GRM4: variants seen among roughly 807,000 people sequenced by gnomAD.
GRM4 encodes the protein metabotropic glutamate receptor 4.
A neutral mutation model predicts 81.7 loss-of-function variants in GRM4; 28 were observed. The ratio of observed to expected loss-of-function variants is 0.34; its 90% CI spans 0.25 to 0.47. The LOEUF is 0.47. GRM4 is among the 20% of genes least tolerant of loss of function. The probability of loss-of-function intolerance (pLI) is 1.00; values close to 1 mark genes in which losing one functional copy is unlikely to be tolerated. For synonymous variants in GRM4, 488 were observed against 528.8 expected, an observed-to-expected ratio of 0.92 and a Z score of 1.06; for missense variants, 948 against 1,290.0, an observed-to-expected ratio of 0.73 and a Z score of 4.06.
chr6:34,046,694 C>G (rs186477139), intron 6 of GRM4, among the ~76,000 whole-genome samples: 1 of 152,174 alleles, frequency 6.6e-6, no homozygotes, highest in African/African-American at 2.4e-5. Flanking sequence ...CTGAGGGGTA[C>G]GGCTGGGGCA....
chr6:34,107,591 C>T (rs544401898), intron 2 of GRM4, among the ~76,000 whole-genome samples: 4 of 152,238 alleles, frequency 2.6e-5, no homozygotes, highest in African/African-American at 9.6e-5. Context: ...GGCAGCATTA[C>T]GCTGACACCT....
chr6:34,029,184 G>A (rs568548575), intron 9 of GRM4, among the ~76,000 whole-genome samples: 1 of 152,250 alleles, frequency 6.6e-6, no homozygotes, highest in Admixed American at 6.5e-5. Flanking sequence ...GCCAAGGTGG[G>A]ACCAAAGGAG....
At chr6:34,051,698 C>T (rs1562026725) in intron 6 of GRM4, among the ~76,000 whole-genome samples, 1 of 152,154 alleles carries the variant, frequency 6.6e-6, no homozygotes, top group Non-Finnish European at 1.5e-5. Context: ...TGCAGAGATG[C>T]CCCTCTTGGT....
rs116306537 is a variant in GRM4 at position 34,074,661 on chromosome 6, C to T, written c.737-12633G>A. Among the ~76,000 whole-genome samples, 1,724 of 151,822 alleles carry T rather than the reference C, an allele frequency of 0.011. 21 individuals carry two copies. The highest frequency in any genetic ancestry group is 0.051 in the Middle Eastern group (15 of 292). On this transcript the variant is annotated intron_variant, in intron 3 of 10. Transcript: ENST00000538487. This position sits in a 1 kb window ranked among gnomAD's most constrained non-coding sequence, Gnocchi z 4.9. Reference sequence around the variant, plus strand: ...TGGCTCACAGCTGCATTATTCATGGCGCTAGGCTCTGAGCAGAGGGAAATT... The same window carrying T: ...TGGCTCACAGCTGCATTATTCATGGTGCTAGGCTCTGAGCAGAGGGAAATT...
intron 1 of GRM4, among the ~76,000 whole-genome samples, chr6:34,141,217 C>A (rs182619055): frequency 6.6e-6 from 1 of 152,170 alleles, no homozygotes; most frequent in African/African-American, 2.4e-5. Context: ...TCCTGGTTCC[C>A]ATGCTGGTGG....
At chr6:34,075,814 T>C (rs1163760842) in intron 3 of GRM4, among the ~76,000 whole-genome samples, 2 of 152,244 alleles carry the variant, frequency 1.3e-5, no homozygotes, top group African/African-American at 2.4e-5. Context: ...CATCAGCCCA[T>C]GAGCCGCTTC....
At chr6:34,050,883 G>A (rs1387936614) in intron 6 of GRM4, among the ~76,000 whole-genome samples, 1 of 152,216 alleles carries the variant, frequency 6.6e-6, no homozygotes, top group Non-Finnish European at 1.5e-5. Context: ...CCCTCACTGA[G>A]CCCAACACAG....
chr6:34,102,497 T>C (rs1581698729), intron 2 of GRM4, among the ~76,000 whole-genome samples: 2 of 151,668 alleles, frequency 1.3e-5, no homozygotes, highest in Admixed American at 1.3e-4. Context: ...TGTGGCTCGC[T>C]CCCTCTCATC....
At chr6:34,049,737 T>C (rs1765521398) in intron 6 of GRM4, among the ~76,000 whole-genome samples, 1 of 152,044 alleles carries the variant, frequency 6.6e-6, no homozygotes, top group African/African-American at 2.4e-5. Flanking sequence ...TGACTTTCTG[T>C]CATCTCTCTC....
rs1012258054 is a variant in GRM4, at chr6:34,059,028, C to T, written c.973G>A (p.Glu325Lys). 4.3e-6 allele frequency: 7 copies of T among 1,613,776 alleles called. No homozygotes were observed. Among genetic ancestry groups the T allele is most frequent in the Middle Eastern group, 3.3e-4 (2 of 6,062 alleles). ...GSKIAPVLHLEEVAEGAVTIL... is the reference protein window; with the variant it reads ...GSKIAPVLHLKEVAEGAVTIL... Reference sequence around the variant, plus strand: ...GTGACAGCACCCTCAGCCACCTCCTCCAGGTGCAGCACAGGTGCAATCTTG... The same window carrying T: ...GTGACAGCACCCTCAGCCACCTCCTTCAGGTGCAGCACAGGTGCAATCTTG... Residue 325 changes from glutamate to lysine, a missense_variant, in exon 5 of 11, where the codon GAG becomes AAG. Transcript: ENST00000538487. This position sits in a 1 kb window ranked among gnomAD's most constrained non-coding sequence, Gnocchi z 5.7.
chr6:34,144,732 G>T (rs374020868), intron 1 of GRM4, among the ~76,000 whole-genome samples: 50 of 152,210 alleles, frequency 3.3e-4, no homozygotes, highest in East Asian at 2.3e-3. Context: ...CCGCAGACCG[G>T]GATGCGCTAA....
Position 34,032,634 on chromosome 6 carries a change from C to G in GRM4, c.2442+3034G>C, listed in dbSNP as rs142801566. On this transcript the variant is annotated intron_variant, in intron 9 of 10. Coordinates refer to ENST00000538487, the MANE Select transcript of GRM4 (RefSeq NM_000841.4). The stretch of plus-strand genomic sequence containing the variant: ...CTGTCGTATGACCTGGGACAAGTCC[C>G]TGTCCCTCTCTGGGCCTATGAACTG... Among the ~76,000 whole-genome samples the G allele has an allele frequency of 1.6e-3, 243 of 152,362 alleles. 5 individuals carry two copies. Among genetic ancestry groups the G allele is most frequent in the Admixed American group, 0.013 (200 of 15,308 alleles).
intron 6 of GRM4, among the ~76,000 whole-genome samples, chr6:34,049,857 C>T (rs1478990992): frequency 6.6e-6 from 1 of 152,158 alleles, no homozygotes; most frequent in East Asian, 1.9e-4. Flanking sequence ...CCATCATCCC[C>T]ACCTGGATTA....
intron 9 of GRM4, among the ~76,000 whole-genome samples, chr6:34,028,835 C>T (rs1461532123): frequency 6.6e-6 from 1 of 152,162 alleles, no homozygotes; most frequent in Admixed American, 6.5e-5. Flanking sequence ...TTTGGGATAA[C>T]ACCCAGTGGC....
chr6:34,153,341 C>T (rs1771084226), intron 1 of GRM4, among the ~76,000 whole-genome samples: 1 of 152,186 alleles, frequency 6.6e-6, no homozygotes, highest in Admixed American at 6.5e-5. Flanking sequence ...CAGTCCCTGC[C>T]CCAGATTCTG....
At chr6:34,104,226 A>T (rs914387216) in intron 2 of GRM4, among the ~76,000 whole-genome samples, 3 of 152,182 alleles carry the variant, frequency 2.0e-5, no homozygotes, top group Non-Finnish European at 4.4e-5. Context: ...AGGCTGCGGG[A>T]CCCAAAGGGG....
intron 2 of GRM4, chr6:34,110,907 T>A (rs1769348981): frequency 8.1e-7 from 1 of 1,233,458 alleles, no homozygotes; most frequent in Non-Finnish European, 1.0e-6. Context: ...GCTGGGAGTA[T>A]GGACAGTAAG....
At position 34,047,954 on chromosome 6, in the gene GRM4, C is replaced by G. The variant is rs1765433731; in HGVS notation, c.1169-7206G>C. Among the ~76,000 whole-genome samples the G allele has an allele frequency of 6.6e-6, 1 of 152,030 alleles. No individual in the cohort carries two copies. Among genetic ancestry groups the G allele is most frequent in the Non-Finnish European group, 1.5e-5 (1 of 68,006 alleles). On this transcript the variant is annotated intron_variant, in intron 6 of 10. Transcript: ENST00000538487. The surrounding 1 kb of genome is among the most constrained non-coding windows in gnomAD (Gnocchi z 4.5). Reference sequence around the variant, plus strand: ...CTTGCAAACCCTCAAGAATATGACCCCAGCAAAAAAACACTAAGGAGAGAA... The same window carrying G: ...CTTGCAAACCCTCAAGAATATGACCGCAGCAAAAAAACACTAAGGAGAGAA...
At chr6:34,049,009 C>T (rs2451328) in intron 6 of GRM4, among the ~76,000 whole-genome samples, 109,448 of 152,010 alleles carry the variant, frequency 0.72, 39,837 homozygotes, top group African/African-American at 0.84. Flanking sequence ...GGTAGAAATA[C>T]GAGGTCATTT....
Sources: allele counts gnomAD v4.1 joint callset (sites outside exome capture counted in the v4.1 genomes callset), GRCh38; gene constraint gnomAD v4.1.1; non-coding constraint Gnocchi (gnomAD v3.1); transcripts MANE v1.5; gene names NCBI Gene and HGNC (gene_info 2026-07-23, HGNC 2026-07-21).